The following NTRK2 variants were observed in gnomAD, a reference collection of about 807,000 sequenced individuals.
NTRK2 encodes BDNF/NT-3 growth factors receptor.
NTRK2 carries 13 observed loss-of-function variants against 94.5 expected under a neutral mutation model. The ratio of observed to expected loss-of-function variants is 0.14; its 90% confidence interval spans 0.09 to 0.22. The LOEUF (loss-of-function observed/expected upper bound fraction) is 0.22, where lower values mean the gene tolerates loss of function less well. NTRK2 is among the 10% of genes least tolerant of loss of function. NTRK2 has a pLI of 1.00. For missense variants in NTRK2, 639 were observed against 1,071.2 expected, an observed-to-expected ratio of 0.60 and a Z score of 5.63; for synonymous variants, 372 against 407.4, an observed-to-expected ratio of 0.91 and a Z score of 1.05.
intron 12 of NTRK2, among the ~76,000 whole-genome samples, chr9:84,796,876 C>T (rs1479749268): frequency 6.6e-6 from 1 of 151,902 alleles, no homozygotes; most frequent in Non-Finnish European, 1.5e-5. Flanking sequence ...TTATTTTTTT[C>T]TTTTGGGTAA....
chr9:85,005,261 C>T (rs1241080190), intron 17 of NTRK2, among the ~76,000 whole-genome samples: 1 of 152,190 alleles, frequency 6.6e-6, no homozygotes, highest in African/African-American at 2.4e-5. Flanking sequence ...ACTTGCATAG[C>T]TGGTCATGCC....
chr9:84,943,130 T>C (rs1205018405), intron 15 of NTRK2, among the ~76,000 whole-genome samples: 1 of 152,156 alleles, frequency 6.6e-6, no homozygotes, highest in Non-Finnish European at 1.5e-5. Flanking sequence ...CTCTAAAATA[T>C]ATGAGAAGAA....
intron 17 of NTRK2, among the ~76,000 whole-genome samples, chr9:84,997,303 G>C (rs111233778): frequency 6.0e-4 from 92 of 152,186 alleles, no homozygotes; most frequent in African/African-American, 2.1e-3. Flanking sequence ...TCCAGGATGG[G>C]GGTCAAGAAG....
chr9:84,866,354 G>A (rs1042479177), intron 13 of NTRK2, among the ~76,000 whole-genome samples: 1 of 152,160 alleles, frequency 6.6e-6, no homozygotes, highest in Non-Finnish European at 1.5e-5. Flanking sequence ...TCTCGTTCTA[G>A]TGTCATAAAA....
At chr9:85,001,175 G>A (rs1564539336) in intron 17 of NTRK2, among the ~76,000 whole-genome samples, 1 of 151,290 alleles carries the variant, frequency 6.6e-6, no homozygotes, top group Admixed American at 6.6e-5. Context: ...TCTGGTGCTA[G>A]TTCTTCCTGT....
At chr9:84,882,729 C>A (rs553865971) in intron 14 of NTRK2, among the ~76,000 whole-genome samples, 1 of 150,096 alleles carries the variant, frequency 6.7e-6, no homozygotes, top group Non-Finnish European at 1.5e-5. Context: ...TGCGCGCGCG[C>A]GCGCATGTGT....
chr9:84,862,084 G>A (rs1409799277), intron 13 of NTRK2, among the ~76,000 whole-genome samples: 1 of 152,196 alleles, frequency 6.6e-6, no homozygotes, highest in African/African-American at 2.4e-5. Flanking sequence ...ATGGGGCCTG[G>A]AGGGGGAAAA....
At chr9:84,938,648 C>T (rs6559838) in intron 15 of NTRK2, among the ~76,000 whole-genome samples, 49,312 of 152,044 alleles carry the variant, frequency 0.32, 9,641 homozygotes, top group African/African-American at 0.55. Context: ...TTTTAGCACA[C>T]TGCCTCATAT....
chr9:84,882,725 C>CGCGCGCGCGCGT (rs1554762209), intron 14 of NTRK2, among the ~76,000 whole-genome samples: 2 of 148,562 alleles, frequency 1.3e-5, no homozygotes, highest in African/African-American at 5.1e-5. Flanking sequence ...TGTGTGCGCG[C>CGCGCGCGCGCGT]GCGCGCGCAT....
intron 6 of NTRK2, among the ~76,000 whole-genome samples, chr9:84,723,252 A>G (rs1380642777): frequency 1.3e-5 from 2 of 152,212 alleles, no homozygotes; most frequent in East Asian, 3.8e-4. Context: ...ATGTGCAAAA[A>G]CTGGATTAGT....
At position 84,702,217 on chromosome 9, in the gene NTRK2, G is replaced by T. The variant is rs2060775661; in HGVS notation, c.271G>T (p.Val91Leu). 1 of 1,614,236 alleles carries T rather than the reference G, an allele frequency of 6.2e-7. No individual in the cohort carries two copies. Among genetic ancestry groups the T allele is most frequent in the African/African-American group, 1.3e-5 (1 of 75,064 alleles). ...CAACGAAGATGATGTTGAAGCTTAT[G>T]TGGGACTGAGAAATCTGTGAGTACT... ...IINEDDVEAY[V>L]GLRNLTIVDS... is the part of the protein sequence containing the mutation. Residue 91 changes from valine to leucine, a missense_variant, in exon 3 of 19, where the codon GTG becomes TTG. By Grantham distance (32) the Val-to-Leu change is conservative (BLOSUM62 1). Around this residue, in one of 5 missense-constraint regions of NTRK2, gnomAD observed 206 missense variants for 251.5 expected, o/e 0.82. Transcript: ENST00000277120.
chr9:84,875,602 T>A, intron 14 of NTRK2: 1 of 1,061,758 alleles, frequency 9.4e-7, no homozygotes, highest in East Asian at 5.1e-5. Flanking sequence ...ACTAGTTACA[T>A]CTCATACATT....
At chr9:84,830,479 C>T (rs1290372888) in intron 12 of NTRK2, among the ~76,000 whole-genome samples, 1 of 151,844 alleles carries the variant, frequency 6.6e-6, no homozygotes, top group African/African-American at 2.4e-5. Flanking sequence ...TGCTTTAGAG[C>T]AGCCTAAGGG....
chr9:84,679,261 C>G (rs1033194882), intron 2 of NTRK2, among the ~76,000 whole-genome samples: 1 of 152,202 alleles, frequency 6.6e-6, no homozygotes, highest in Non-Finnish European at 1.5e-5. Flanking sequence ...AACTCTTCAG[C>G]CTCTTTCTGT....
chr9:84,958,200 CA>C lies in NTRK2; in HGVS notation c.2172+2693del, dbSNP rs111847110. ...GCAATTGTACAACATTAATCATATA[CA>C]AAAAAAAAACACTGAATCATTCACT... On this transcript the variant is annotated intron_variant, in intron 17 of 18. Coordinates refer to ENST00000277120, the MANE Select transcript of NTRK2 (RefSeq NM_006180.6). Among the ~76,000 whole-genome samples the C allele has an allele frequency of 1.7e-3, 231 of 137,996 alleles. 3 individuals carry two copies. Among genetic ancestry groups the C allele is most frequent in the Admixed American group, 3.4e-3 (46 of 13,706 alleles). The allele number at this position is 137,996 out of a possible 152,430, so 90.5% of individuals were successfully genotyped here. A position where few individuals can be genotyped will look rare whatever the true frequency, so the allele number is the denominator to read the frequency against.
intron 2 of NTRK2, among the ~76,000 whole-genome samples, chr9:84,699,805 A>G (rs1038391305): frequency 6.6e-6 from 1 of 151,600 alleles, no homozygotes; most frequent in Non-Finnish European, 1.5e-5. Flanking sequence ...ATCCATTGAC[A>G]TCTCTACCCC....
In NTRK2 at chr9:84,707,836, C is replaced by G. The variant is rs757409113; in HGVS notation, c.360-8C>G. On this transcript the variant is annotated splice_polypyrimidine_tract_variant and splice_region_variant and intron_variant, in intron 4 of 18. Transcript: ENST00000277120. ...AAATTCATGTTTAATGTTTTTGATTCCTTTCAGCAATTTTACCCGAAACAA... is the reference window on the plus strand; with the variant it reads ...AAATTCATGTTTAATGTTTTTGATTGCTTTCAGCAATTTTACCCGAAACAA... 1.9e-6 allele frequency: 3 copies of G among 1,607,600 alleles called. No homozygotes were observed. Among genetic ancestry groups the G allele is most frequent in the East Asian group, 4.5e-5 (2 of 44,708 alleles).
chr9:84,839,602 C>T (rs780238704), intron 12 of NTRK2, among the ~76,000 whole-genome samples: 1 of 152,174 alleles, frequency 6.6e-6, no homozygotes, highest in Non-Finnish European at 1.5e-5. Context: ...TTATGGAGCG[C>T]GTACAGGCCA....
At chr9:84,927,255 C>T (rs2077853221) in intron 14 of NTRK2, among the ~76,000 whole-genome samples, 1 of 152,216 alleles carries the variant, frequency 6.6e-6, no homozygotes, top group African/African-American at 2.4e-5. Context: ...TGCATTTCTA[C>T]TTAACACCTT....
Sources: gnomAD v4.1 joint callset for allele counts (sites outside exome capture counted in the v4.1 genomes callset) on GRCh38, gnomAD v4.1.1 for gene constraint, gnomAD v4.1.1 regional missense constraint, MANE v1.5 for transcripts, NCBI Gene and HGNC (gene_info 2026-07-23, HGNC 2026-07-21) for gene names.